RBM27: variants seen among roughly 807,000 people sequenced by gnomAD.
The protein encoded by RBM27 is RNA binding motif protein 27.
In RBM27, 22 loss-of-function variants were observed where a neutral mutation model predicts 135.3. The ratio of observed to expected loss-of-function variants is 0.16; its 90% confidence interval spans 0.12 to 0.23. The LOEUF is 0.23. Ranked by LOEUF, RBM27 falls within the 10% of genes least tolerant of loss-of-function variation. RBM27 has a pLI of 1.00. For missense variants in RBM27, 1,009 were observed against 1,281.0 expected (o/e 0.79, Z 3.24); for synonymous variants, 481 against 442.4 (o/e 1.09, Z -1.10).
chr5:146,229,102 T>G, intron 4 of RBM27, 65 bp downstream of exon 4: 4 of 1,242,854 alleles, frequency 3.2e-6, no homozygotes, highest in Non-Finnish European at 4.7e-6. Context: ...TGCAAGGACA[T>G]TAAAGGGATT....
At chr5:146,267,842 T>A in intron 15 of RBM27, 74 bp downstream of exon 15, 1 of 1,431,974 alleles carries the variant, frequency 7.0e-7, no homozygotes, top group Non-Finnish European at 9.6e-7. Context: ...ATTATCACTT[T>A]TAAATCAGTT....
At chr5:146,241,706 G>A (rs1310247290) in intron 8 of RBM27, among the ~76,000 whole-genome samples, 2 of 151,414 alleles carry the variant, frequency 1.3e-5, no homozygotes, top group Admixed American at 1.3e-4. Context: ...TTATCCGCCC[G>A]CCTCGGCTTC....
At chr5:146,228,282 C>CTTTTTTTTT (rs1043361050) in intron 3 of RBM27, among the ~76,000 whole-genome samples, 2 of 111,846 alleles carry the variant, frequency 1.8e-5, no homozygotes, top group Non-Finnish European at 1.7e-5. Context: ...ACCATTCTTT[C>CTTTTTTTTT]TTTTTTTTTT....
chr5:146,233,833 T>G (rs1757051553), intron 7 of RBM27, 90 bp downstream of exon 7: 1 of 880,162 alleles, frequency 1.1e-6, no homozygotes, highest in Admixed American at 3.3e-5. Flanking sequence ...TTAAAGTGTT[T>G]GAGAAATAGA....
intron 8 of RBM27, among the ~76,000 whole-genome samples, chr5:146,248,234 G>GTTT (rs371306680): frequency 1.5e-5 from 2 of 134,710 alleles, no homozygotes; most frequent in Admixed American, 7.4e-5. Context: ...GCTTCTGCTA[G>GTTT]TTTTTTTTTT....
At chr5:146,277,014 G>A (rs996614626) in intron 19 of RBM27, among the ~76,000 whole-genome samples, 1 of 152,174 alleles carries the variant, frequency 6.6e-6, no homozygotes, top group Non-Finnish European at 1.5e-5. Context: ...CTGTGTTCAG[G>A]GTTCTTCAGG....
chr5:146,269,716 T>C (rs1581230043), intron 17 of RBM27, 132 bp downstream of exon 17: 1 of 348,826 alleles, frequency 2.9e-6, no homozygotes, highest in Non-Finnish European at 4.9e-6. Flanking sequence ...TTATAGTACT[T>C]AAAAAAAAAA....
chr5:146,247,346 TC>T (rs1332314999), intron 8 of RBM27, among the ~76,000 whole-genome samples: 1 of 151,964 alleles, frequency 6.6e-6, no homozygotes, highest in African/African-American at 2.4e-5. Context: ...ATTATCACAG[TC>T]CCCCCCAAAA....
Position 146,207,951 on chromosome 5 carries a change from G to GTTTT in RBM27, c.59+4147_59+4150dup, listed in dbSNP as rs11401604. Among the ~76,000 whole-genome samples the GTTTT allele has an allele frequency of 4.8e-4, 39 of 81,204 alleles. 1 individual carries two copies. Among genetic ancestry groups the GTTTT allele is most frequent in the African/African-American group, 1.2e-3 (23 of 19,238 alleles). 53.3% of individuals were successfully genotyped at this position (81,204 alleles called of 152,430 possible). On this transcript the variant is annotated intron_variant, in intron 1 of 20. Coordinates refer to ENST00000265271, the MANE Select transcript of RBM27 (RefSeq NM_018989.2). ...TGAGCCACCACACCTGGCCTAACAG[G>GTTTT]TTTTTTTTTTTTTTTTTTTTTTTAA...
At chr5:146,258,072 G>T (rs1221430607) in intron 10 of RBM27, among the ~76,000 whole-genome samples, 3 of 152,072 alleles carry the variant, frequency 2.0e-5, no homozygotes, top group African/African-American at 7.2e-5. Flanking sequence ...GCCCGCCTCG[G>T]CCTCCCAAAG....
rs562157387 is a variant in RBM27, at chr5:146,243,353, CAAGTTT to C, written c.1279+5923_1279+5928del. Among the ~76,000 whole-genome samples, 42 of 152,222 alleles carry C rather than the reference CAAGTTT, an allele frequency of 2.8e-4. No individual in the cohort carries two copies. In the East Asian group the frequency reaches 7.7e-3, roughly 28 times the overall value. Reference sequence around the variant, plus strand: ...AGATAATTGAATCCTTCACATTGTTCAAGTTTATTTTTCTAAATACAGGTCAAGCAT... The same window carrying C: ...AGATAATTGAATCCTTCACATTGTTCATTTTTCTAAATACAGGTCAAGCAT... On this transcript the variant is annotated intron_variant, in intron 8 of 20. Transcript: ENST00000265271.
intron 1 of RBM27, among the ~76,000 whole-genome samples, chr5:146,214,221 A>C (rs549889249): frequency 1.3e-5 from 2 of 152,334 alleles, no homozygotes; most frequent in Non-Finnish European, 2.9e-5. Flanking sequence ...TACCTTTTCT[A>C]ATCTCCATGT....
intron 19 of RBM27, among the ~76,000 whole-genome samples, chr5:146,280,582 C>T (rs575768657): frequency 3.7e-4 from 57 of 152,290 alleles, no homozygotes; most frequent in Middle Eastern, 3.4e-3. Context: ...TAACTGTTAG[C>T]CTCACTTTAT....
intron 7 of RBM27, among the ~76,000 whole-genome samples, chr5:146,235,832 C>T (rs1022074841): frequency 6.6e-6 from 1 of 151,946 alleles, no homozygotes; most frequent in African/African-American, 2.4e-5. Flanking sequence ...GGACTACAGG[C>T]GTGTGCCACC....
At chr5:146,263,984 G>A (rs187726252) in intron 14 of RBM27, among the ~76,000 whole-genome samples, 54 of 151,740 alleles carry the variant, frequency 3.6e-4, no homozygotes, top group African/African-American at 1.3e-3. Context: ...GCAGACACCT[G>A]TAATCCCAGC....
intron 1 of RBM27, 146 bp downstream of exon 1, chr5:146,203,970 C>T (rs1396082383): frequency 1.3e-6 from 1 of 781,012 alleles, no homozygotes; most frequent in Non-Finnish European, 1.9e-6. Flanking sequence ...GTACTATCAC[C>T]ATTGTGGTGG....
At chr5:146,261,334 G>C in intron 12 of RBM27, 176 bp from the exon 13 acceptor site, 1 of 636,438 alleles carries the variant, frequency 1.6e-6, no homozygotes, top group South Asian at 2.0e-5. Flanking sequence ...ATGCACCTTT[G>C]TGACCTCATT....
intron 19 of RBM27, among the ~76,000 whole-genome samples, chr5:146,280,215 G>A (rs1169183432): frequency 6.6e-6 from 1 of 151,886 alleles, no homozygotes; most frequent in East Asian, 1.9e-4. Flanking sequence ...GCACCACCGC[G>A]CCCAGCTAAT....
intron 15 of RBM27, among the ~76,000 whole-genome samples, chr5:146,268,442 A>G (rs1412451435): frequency 6.6e-6 from 1 of 151,988 alleles, no homozygotes; most frequent in Non-Finnish European, 1.5e-5. Flanking sequence ...GATTTTCTCC[A>G]TGTTGGTCAG....
Sources: allele counts gnomAD v4.1 joint callset (sites outside exome capture counted in the v4.1 genomes callset), GRCh38; gene constraint gnomAD v4.1.1; transcripts MANE v1.5; gene names NCBI Gene and HGNC (gene_info 2026-07-23, HGNC 2026-07-21).